Variants in MCM9 observed in about 807,000 individuals in gnomAD.
MCM9 encodes the protein DNA helicase MCM9.
A neutral mutation model predicts 72.8 loss-of-function variants in MCM9; 55 were observed. The observed-to-expected ratio is 0.76, with a 90% CI of 0.61 to 0.95. The LOEUF is 0.95. MCM9 is among the 40% of genes least tolerant of loss of function. The probability of loss-of-function intolerance (pLI) is 0.00; values close to 1 mark genes in which losing one functional copy is unlikely to be tolerated. For missense variants in MCM9, 1,279 were observed against 1,377.0 expected, an observed-to-expected ratio of 0.93 and a Z score of 1.13; for synonymous variants, 480 against 503.4, an observed-to-expected ratio of 0.95 and a Z score of 0.62.
chr6:118,884,291 A>G (rs536635534), intron 8 of MCM9, among the ~76,000 whole-genome samples: 2 of 152,352 alleles, frequency 1.3e-5, no homozygotes, highest in South Asian at 4.1e-4. Context: ...TGTAACAATT[A>G]CAGCATAAAA....
chr6:118,918,850 T>C (rs560454039), intron 5 of MCM9: 51 of 152,354 alleles, frequency 3.3e-4, no homozygotes, highest in African/African-American at 1.2e-3. Flanking sequence ...CTGCATAGCT[T>C]TTGATTTCCT....
chr6:118,870,562 T>A (rs550150000), intron 8 of MCM9, among the ~76,000 whole-genome samples: 3 of 151,354 alleles, frequency 2.0e-5, no homozygotes, highest in African/African-American at 7.3e-5. Context: ...TAATCTAACA[T>A]CACAACTTAA....
intron 8 of MCM9, chr6:118,900,696 A>G: frequency 8.9e-7 from 1 of 1,118,740 alleles, no homozygotes. Context: ...TGGACATTAA[A>G]AGGGTCTTTG....
chr6:118,894,615 C>G (rs1335959728), intron 8 of MCM9: 24 of 1,086,308 alleles, frequency 2.2e-5, no homozygotes, highest in Non-Finnish European at 2.3e-5. Flanking sequence ...CGGCTGTGTT[C>G]GGCGCCTGGC....
intron 8 of MCM9, among the ~76,000 whole-genome samples, chr6:118,865,356 C>A (rs1204108762): frequency 6.6e-6 from 1 of 152,120 alleles, no homozygotes; most frequent in Non-Finnish European, 1.5e-5. Flanking sequence ...TTTTATAGCA[C>A]CTCCCTAAAT....
At chr6:118,830,908 C>A (rs148354305) in intron 9 of MCM9, among the ~76,000 whole-genome samples, 1 of 152,230 alleles carries the variant, frequency 6.6e-6, no homozygotes, top group East Asian at 1.9e-4. Context: ...CCTGCCAGAT[C>A]GTAAGTGTGC....
intron 13 of MCM9, among the ~76,000 whole-genome samples, chr6:118,824,072 G>A (rs206206): frequency 3.4e-5 from 3 of 89,528 alleles, no homozygotes; most frequent in African/African-American, 4.6e-5. Context: ...TTTTTTTTTA[G>A]ACAGAGTCTC....
At chr6:118,895,180 C>A (rs983770226) in intron 8 of MCM9, among the ~76,000 whole-genome samples, 2 of 151,826 alleles carry the variant, frequency 1.3e-5, no homozygotes, top group Non-Finnish European at 2.9e-5. Context: ...GAGGCGGGCG[C>A]AGGCTCGGCC....
At chr6:118,852,028 G>C (rs1035472477) in intron 9 of MCM9, among the ~76,000 whole-genome samples, 1 of 152,140 alleles carries the variant, frequency 6.6e-6, no homozygotes, top group African/African-American at 2.4e-5. Flanking sequence ...AGTGTACTTA[G>C]ACAAACCTGG....
At chr6:118,917,448 A>G in intron 6 of MCM9, 113 bp downstream of exon 6, 2 of 1,048,586 alleles carry the variant, frequency 1.9e-6, no homozygotes, top group Non-Finnish European at 2.9e-6. Flanking sequence ...CCTACCCTTT[A>G]AACTCAGTCA....
At chr6:118,928,040 G>A (rs1045433416) in intron 3 of MCM9, among the ~76,000 whole-genome samples, 3 of 152,132 alleles carry the variant, frequency 2.0e-5, no homozygotes, top group African/African-American at 7.2e-5. Flanking sequence ...CACATACAGT[G>A]CTCCCTTTGT....
At chr6:118,866,873 C>T (rs900920466) in intron 8 of MCM9, among the ~76,000 whole-genome samples, 1 of 152,070 alleles carries the variant, frequency 6.6e-6, no homozygotes, top group African/African-American at 2.4e-5. Context: ...TATGCCAAGA[C>T]AATCACAATA....
At chr6:118,832,968 C>G (rs564768229) in intron 9 of MCM9, among the ~76,000 whole-genome samples, 1 of 152,148 alleles carries the variant, frequency 6.6e-6, no homozygotes, top group African/African-American at 2.4e-5. Context: ...GCTATGATAC[C>G]AAGTCTGGAC....
At chr6:118,891,711 C>T (rs955712771) in intron 8 of MCM9, among the ~76,000 whole-genome samples, 9 of 152,120 alleles carry the variant, frequency 5.9e-5, no homozygotes, top group South Asian at 2.1e-4. Flanking sequence ...CTTCAACATA[C>T]GAATTTGGGG....
chr6:118,876,896 A>T (rs934989868), intron 8 of MCM9, among the ~76,000 whole-genome samples: 1 of 152,194 alleles, frequency 6.6e-6, no homozygotes, highest in African/African-American at 2.4e-5. Flanking sequence ...GCACATGAAA[A>T]TATGTTCAAT....
intron 8 of MCM9, among the ~76,000 whole-genome samples, chr6:118,904,502 T>C (rs996189482): frequency 6.6e-6 from 1 of 152,220 alleles, no homozygotes; most frequent in African/African-American, 2.4e-5. Flanking sequence ...GCCTCAGCCA[T>C]CACTGCCTGT....
intron 8 of MCM9, among the ~76,000 whole-genome samples, chr6:118,891,917 T>A (rs2114457739): frequency 6.6e-6 from 1 of 152,304 alleles, no homozygotes; most frequent in African/African-American, 2.4e-5. Flanking sequence ...TGGGACCCCC[T>A]TGGGTACTTA....
At chr6:118,824,345 C>CTTTTTTTTTTTTTTTTTTTTTTTTT (rs781078527) in intron 13 of MCM9, among the ~76,000 whole-genome samples, 1 of 148,762 alleles carries the variant, frequency 6.7e-6, no homozygotes, top group African/African-American at 2.5e-5. Context: ...TTTAGTCTTT[C>CTTTTTTTTTTTTTTTTTTTTTTTTT]TTTTTTTTTC....
chr6:118,876,892 G>A (rs1014720907), intron 8 of MCM9, among the ~76,000 whole-genome samples: 1 of 152,204 alleles, frequency 6.6e-6, no homozygotes, highest in East Asian at 1.9e-4. Context: ...ATAAGCACAT[G>A]AAAATATGTT....
Sources: gnomAD v4.1 joint callset for allele counts (sites outside exome capture counted in the v4.1 genomes callset) on GRCh38, gnomAD v4.1.1 for gene constraint, MANE v1.5 for transcripts, NCBI Gene and HGNC (gene_info 2026-07-23, HGNC 2026-07-21) for gene names.